FHIT: variants seen among roughly 807,000 people sequenced by gnomAD.
FHIT encodes bis(5'-adenosyl)-triphosphatase.
In FHIT, 19 loss-of-function variants were observed where a neutral mutation model predicts 17.9. The ratio of observed to expected loss-of-function variants is 1.06; its 90% confidence interval spans 0.74 to 1.56. FHIT has a LOEUF of 1.56. FHIT is among the 40% of genes most tolerant of loss of function. The pLI is 0.00. For synonymous variants in FHIT, 81 were observed against 69.7 expected (o/e 1.16, Z -0.81); for missense variants, 248 against 189.2 (o/e 1.31, Z -1.82).
At chr3:60,141,139 G>A (rs1250832828) in intron 5 of FHIT, among the ~76,000 whole-genome samples, 3 of 152,042 alleles carry the variant, frequency 2.0e-5, no homozygotes, top group East Asian at 3.9e-4. Flanking sequence ...CCATTTCGAG[G>A]GGGGATAACT....
chr3:60,438,923 T>C (rs2030539474), intron 5 of FHIT, among the ~76,000 whole-genome samples: 1 of 152,120 alleles, frequency 6.6e-6, no homozygotes, highest in Non-Finnish European at 1.5e-5. Context: ...CCCAAACCCA[T>C]CATACTTTTA....
intron 5 of FHIT, among the ~76,000 whole-genome samples, chr3:60,122,728 G>A (rs1210393811): frequency 1.3e-5 from 2 of 152,156 alleles, no homozygotes; most frequent in Non-Finnish European, 2.9e-5. Flanking sequence ...GACCCACAGT[G>A]AAGTCTAGAA....
chr3:61,188,717 CA>C (rs1390919693), intron 2 of FHIT, among the ~76,000 whole-genome samples: 6 of 152,096 alleles, frequency 3.9e-5, no homozygotes, highest in Non-Finnish European at 8.8e-5. Context: ...AGCAGCACAT[CA>C]AAAAGCTTAT....
intron 5 of FHIT, among the ~76,000 whole-genome samples, chr3:60,299,603 T>A (rs1231424890): frequency 6.6e-6 from 1 of 152,076 alleles, no homozygotes; most frequent in African/African-American, 2.4e-5. Flanking sequence ...TAATTGTCTA[T>A]AATGCCTCTT....
At chr3:60,863,061 G>A (rs548658512) in intron 3 of FHIT, among the ~76,000 whole-genome samples, 25 of 152,246 alleles carry the variant, frequency 1.6e-4, no homozygotes, top group Admixed American at 5.9e-4. Flanking sequence ...GTCAGAGTGA[G>A]AAAGCAGAAG....
intron 9 of FHIT, chr3:59,750,685 GAAC>G (rs776542046): frequency 1.8e-5 from 4 of 218,444 alleles, no homozygotes; most frequent in African/African-American, 2.2e-5. Context: ...CACCATATTT[GAAC>G]AACAATAGGG....
At chr3:60,678,057 G>A (rs1038485618) in intron 4 of FHIT, among the ~76,000 whole-genome samples, 1 of 151,984 alleles carries the variant, frequency 6.6e-6, no homozygotes, top group Admixed American at 6.6e-5. Flanking sequence ...TTCTTGGTTA[G>A]TACAGCCAGA....
chr3:59,796,829 G>A (rs1049813990), intron 8 of FHIT, among the ~76,000 whole-genome samples: 9 of 152,146 alleles, frequency 5.9e-5, no homozygotes, highest in Non-Finnish European at 8.8e-5. Flanking sequence ...AATTAGAGGC[G>A]TGGGTGTCAC....
At chr3:60,009,132 A>T (rs1199178866) in intron 7 of FHIT, among the ~76,000 whole-genome samples, 1 of 150,676 alleles carries the variant, frequency 6.6e-6, no homozygotes, top group Admixed American at 6.6e-5. Flanking sequence ...CTAAAAGGAC[A>T]GCTTTGGAAC....
intron 3 of FHIT, among the ~76,000 whole-genome samples, chr3:61,030,826 C>A (rs1193791276): frequency 6.6e-6 from 1 of 152,030 alleles, no homozygotes; most frequent in Non-Finnish European, 1.5e-5. Context: ...GGGATGGGGG[C>A]AGGGGGGTAG....
chr3:59,805,330 A>T (rs905206290), intron 8 of FHIT, among the ~76,000 whole-genome samples: 1 of 152,162 alleles, frequency 6.6e-6, no homozygotes, highest in South Asian at 2.1e-4. Flanking sequence ...GGAGTTCAGG[A>T]CATGCTTCCC....
At chr3:61,003,187 A>C (rs1277612031) in intron 3 of FHIT, among the ~76,000 whole-genome samples, 1 of 152,230 alleles carries the variant, frequency 6.6e-6, no homozygotes, top group Admixed American at 6.5e-5. Context: ...GTCAGTCTAC[A>C]GAAAGTGTCT....
intron 5 of FHIT, among the ~76,000 whole-genome samples, chr3:60,192,290 A>C (rs1559714780): frequency 1.3e-5 from 2 of 152,042 alleles, no homozygotes; most frequent in African/African-American, 4.8e-5. Flanking sequence ...GACAGGCAAA[A>C]GTTCAATGGC....
chr3:60,484,074 C>G (rs963259269), intron 5 of FHIT, among the ~76,000 whole-genome samples: 2 of 152,038 alleles, frequency 1.3e-5, no homozygotes. Context: ...AACTCCCATT[C>G]ACAATTGCTA....
At chr3:60,711,002 C>T (rs1447008196) in intron 4 of FHIT, among the ~76,000 whole-genome samples, 1 of 152,182 alleles carries the variant, frequency 6.6e-6, no homozygotes, top group Admixed American at 6.5e-5. Flanking sequence ...GACCCCCGAG[C>T]AGCCTAACAG....
intron 5 of FHIT, among the ~76,000 whole-genome samples, chr3:60,400,031 T>A (rs1360217197): frequency 6.6e-6 from 1 of 152,098 alleles, no homozygotes; most frequent in Non-Finnish European, 1.5e-5. Flanking sequence ...ATTATGTAAG[T>A]TAGCAATGAC....
At chr3:60,547,740 AG>A (rs2036414805) in intron 4 of FHIT, among the ~76,000 whole-genome samples, 1 of 152,186 alleles carries the variant, frequency 6.6e-6, no homozygotes, top group Non-Finnish European at 1.5e-5. Context: ...TAAACATAAA[AG>A]AAACAATGAA....
At chr3:59,766,972 G>C (rs115113864) in intron 8 of FHIT, among the ~76,000 whole-genome samples, 1 of 152,116 alleles carries the variant, frequency 6.6e-6, no homozygotes, top group Non-Finnish European at 1.5e-5. Flanking sequence ...TTATCAGACT[G>C]TGTCTACCAG....
chr3:61,100,542 G>A lies in FHIT; in HGVS notation c.-163-58443C>T, dbSNP rs536845771. On this transcript the variant is annotated intron_variant, in intron 2 of 9. Transcript: ENST00000492590. ...ACATACATGTGCATATGTCTTTATAGTAGCATGATTTATAATCCTTTGGGT... is the reference window on the plus strand; with the variant it reads ...ACATACATGTGCATATGTCTTTATAATAGCATGATTTATAATCCTTTGGGT... 7.4e-4 allele frequency among the ~76,000 whole-genome samples: 113 copies of A among 152,272 alleles called. 2 individuals are homozygous for A. The highest frequency in any genetic ancestry group is 3.1e-4 in the Non-Finnish European group (21 of 68,032).
Sources: gnomAD v4.1 joint callset for allele counts (sites outside exome capture counted in the v4.1 genomes callset) on GRCh38, gnomAD v4.1.1 for gene constraint, MANE v1.5 for transcripts, NCBI Gene and HGNC (gene_info 2026-07-23, HGNC 2026-07-21) for gene names.